NCALD: variants seen among roughly 807,000 people sequenced by gnomAD.
NCALD encodes the protein neurocalcin delta.
NCALD carries 10 observed loss-of-function variants against 18.6 expected under a neutral mutation model. The ratio of observed to expected loss-of-function variants is 0.54; its 90% CI spans 0.33 to 0.91. The LOEUF (loss-of-function observed/expected upper bound fraction) is 0.91, where lower values mean the gene tolerates loss of function less well. Ranked by LOEUF, NCALD falls within the 40% of genes least tolerant of loss-of-function variation. The probability of loss-of-function intolerance (pLI) is 0.03; values close to 1 mark genes in which losing one functional copy is unlikely to be tolerated. For missense variants in NCALD, 184 were observed against 247.6 expected (o/e 0.74, Z 1.72); for synonymous variants, 88 against 87.4 (o/e 1.01, Z -0.04).
chr8:101,864,896 G>T (rs1267378936), intron 4 of NCALD, among the ~76,000 whole-genome samples: 1 of 152,048 alleles, frequency 6.6e-6, no homozygotes, highest in African/African-American at 2.4e-5. Context: ...ACGCCCAGCT[G>T]GATTGTTCCA....
At chr8:101,862,839 C>T (rs763122316) in intron 4 of NCALD, among the ~76,000 whole-genome samples, 1 of 152,166 alleles carries the variant, frequency 6.6e-6, no homozygotes, top group Non-Finnish European at 1.5e-5. Flanking sequence ...CAGCTCACTC[C>T]CTTTTAAAAA....
chr8:101,983,386 T>C (rs1486454664), intron 2 of NCALD, among the ~76,000 whole-genome samples: 1 of 152,218 alleles, frequency 6.6e-6, no homozygotes, highest in Non-Finnish European at 1.5e-5. Flanking sequence ...TCCGTCCCTA[T>C]GCCATGGCCT....
chr8:101,853,737 A>G (rs1248518859), intron 4 of NCALD, among the ~76,000 whole-genome samples: 2 of 152,180 alleles, frequency 1.3e-5, no homozygotes, highest in Non-Finnish European at 1.5e-5. Flanking sequence ...CTTTGCTGAC[A>G]GAACAGGAGC....
intron 2 of NCALD, among the ~76,000 whole-genome samples, chr8:101,944,397 G>A (rs574447779): frequency 1.3e-5 from 2 of 152,314 alleles, no homozygotes; most frequent in South Asian, 2.1e-4. Context: ...GAGAGTGGCA[G>A]AGAAGCAAGA....
At chr8:101,821,881 TAAAAAAAAAA>T (rs370878560) in intron 4 of NCALD, among the ~76,000 whole-genome samples, 12 of 116,496 alleles carry the variant, frequency 1.0e-4, no homozygotes, top group East Asian at 2.5e-4. Context: ...GGGTTCTAAG[TAAAAAAAAAA>T]AAAAAAAAAA....
intron 1 of NCALD, among the ~76,000 whole-genome samples, chr8:102,088,295 A>AT (rs1158329767): frequency 6.6e-6 from 1 of 152,106 alleles, no homozygotes; most frequent in African/African-American, 2.4e-5. Flanking sequence ...GACCTTTACC[A>AT]TTTTTTATTC....
intron 2 of NCALD, among the ~76,000 whole-genome samples, chr8:101,716,695 C>A (rs1441671030): frequency 6.6e-6 from 1 of 152,112 alleles, no homozygotes; most frequent in Non-Finnish European, 1.5e-5. Context: ...CCTGTGAATA[C>A]GTTAACTTGC....
chr8:101,899,291 T>A (rs1171161603), intron 3 of NCALD, among the ~76,000 whole-genome samples: 1 of 152,056 alleles, frequency 6.6e-6, no homozygotes, highest in East Asian at 1.9e-4. Context: ...TTTTTCTTTA[T>A]AGATTCCATT....
chr8:102,078,805 C>T (rs1824431854), intron 1 of NCALD, among the ~76,000 whole-genome samples: 1 of 152,238 alleles, frequency 6.6e-6, no homozygotes, highest in Admixed American at 6.5e-5. Flanking sequence ...TTTGCATTCA[C>T]TCATCAGTAT....
intron 1 of NCALD, among the ~76,000 whole-genome samples, chr8:102,102,886 C>T (rs1335151962): frequency 6.6e-6 from 1 of 152,200 alleles, no homozygotes; most frequent in Non-Finnish European, 1.5e-5. Flanking sequence ...GCCTGGTCCT[C>T]AGCTCTGCAC....
intron 1 of NCALD, among the ~76,000 whole-genome samples, chr8:101,725,067 A>C (rs973525723): frequency 6.6e-6 from 1 of 152,192 alleles, no homozygotes; most frequent in Non-Finnish European, 1.5e-5. Flanking sequence ...TGTGGACAGG[A>C]GGCAGGGAAA....
intron 2 of NCALD, among the ~76,000 whole-genome samples, chr8:102,007,794 C>G (rs1308883484): frequency 6.6e-6 from 1 of 152,166 alleles, no homozygotes; most frequent in Non-Finnish European, 1.5e-5. Context: ...ACACCCTCCC[C>G]CAAACTTTGA....
chr8:101,902,745 C>T (rs543953986), intron 3 of NCALD, among the ~76,000 whole-genome samples: 1 of 152,280 alleles, frequency 6.6e-6, no homozygotes, highest in South Asian at 2.1e-4. Context: ...CTTTTCTCTC[C>T]CCCAGCATGT....
chr8:101,803,600 A>G (rs1307369773), intron 4 of NCALD, among the ~76,000 whole-genome samples: 3 of 152,202 alleles, frequency 2.0e-5, no homozygotes, highest in East Asian at 3.8e-4. Context: ...CCTTCTGGAT[A>G]AGAGTAATTA....
chr8:101,834,975 G>A (rs1276454183), intron 4 of NCALD, among the ~76,000 whole-genome samples: 1 of 152,212 alleles, frequency 6.6e-6, no homozygotes, highest in Non-Finnish European at 1.5e-5. Flanking sequence ...TGTGGTCTTA[G>A]ACAAGTCACC....
intron 1 of NCALD, among the ~76,000 whole-genome samples, chr8:102,079,313 A>G (rs914047207): frequency 6.6e-6 from 1 of 152,164 alleles, no homozygotes; most frequent in Non-Finnish European, 1.5e-5. Context: ...AAACTAGCAA[A>G]CGCATCCTGG....
chr8:101,715,488 G>A (rs2130385761), intron 2 of NCALD, among the ~76,000 whole-genome samples: 1 of 152,134 alleles, frequency 6.6e-6, no homozygotes, highest in East Asian at 1.9e-4. Flanking sequence ...TTAAACTAAA[G>A]AGCTTCTGCA....
At chr8:101,849,947 A>T (rs533871480) in intron 4 of NCALD, among the ~76,000 whole-genome samples, 12 of 152,292 alleles carry the variant, frequency 7.9e-5, no homozygotes, top group African/African-American at 2.9e-4. Context: ...ATTCAATAAA[A>T]CCAATTTAAG....
chr8:101,962,640 A>G (rs1819876631), intron 2 of NCALD, among the ~76,000 whole-genome samples: 1 of 152,214 alleles, frequency 6.6e-6, no homozygotes, highest in Non-Finnish European at 1.5e-5. Context: ...CTTCAGATTT[A>G]TTAAATCAGA....
Sources: gnomAD v4.1 joint callset for allele counts (sites outside exome capture counted in the v4.1 genomes callset) on GRCh38, gnomAD v4.1.1 for gene constraint, MANE v1.5 for transcripts, NCBI Gene and HGNC (gene_info 2026-07-23, HGNC 2026-07-21) for gene names.